ZNF718: variants seen among roughly 807,000 people sequenced by gnomAD.
The protein encoded by ZNF718 is zinc finger protein 718.
Under a neutral mutation model 2.6 loss-of-function variants are expected in ZNF718, and 3 were observed. The ratio of observed to expected loss-of-function variants is 1.16; its 90% confidence interval spans 0.53 to 3.01. ZNF718 has a LOEUF of 3.01. ZNF718 is among the 30% of genes most tolerant of loss of function. ZNF718 has a pLI of 0.03. For synonymous variants in ZNF718, 135 were observed against 77.9 expected (o/e 1.73, Z -3.86); for missense variants, 468 against 230.0 (o/e 2.03, Z -6.69).
chr4:142,139 T>C (rs1715839296), intron 3 of ZNF718: 1 of 487,356 alleles, frequency 2.1e-6, no homozygotes, highest in South Asian at 1.5e-5. Context: ...TGTGCAGCCA[T>C]TGGAACCCTT....
chr4:157,690 T>G (rs1237830833), intron 3 of ZNF718, among the ~76,000 whole-genome samples: 1 of 152,186 alleles, frequency 6.6e-6, no homozygotes, highest in Admixed American at 6.5e-5. Flanking sequence ...AGTTTGGTCA[T>G]AAAAAGTAAT....
rs1177890342 is a variant in ZNF718 at position 163,684 on chromosome 4, TTCTC to T, written c.*1564_*1567del. ...TAATAAAATACAGTAAATTTTAAAA[TTCTC>T]TTTTAAGATTGTGTGTGAACCTTAC... On this transcript the variant is annotated 3_prime_UTR_variant, in exon 4 of 4. Transcript: ENST00000510175. 3.3e-5 allele frequency: 5 copies of T among 152,172 alleles called. No individual in the cohort carries two copies. Among genetic ancestry groups the T allele is most frequent in the African/African-American group, 1.2e-4 (5 of 41,444 alleles). The allele number at this position is 152,172 out of a possible 1,614,324, so 9.4% of individuals were successfully genotyped here. A position where few individuals can be genotyped will look rare whatever the true frequency, so the allele number is the denominator to read the frequency against.
In ZNF718 at chr4:136,640, T is replaced by C. The variant is rs1267424136; in HGVS notation, c.226+5135T>C. Among the ~76,000 whole-genome samples, 7 of 152,230 alleles carry C rather than the reference T, an allele frequency of 4.6e-5. No homozygotes were observed. The East Asian group carries it at 1.3e-3, about 29-fold the overall frequency. Reference sequence around the variant, plus strand: ...TAGCCAAAGGCAAGCACCTTTCTACTTGTGTTTTCTGTGAGTTTACTACTT... The same window carrying C: ...TAGCCAAAGGCAAGCACCTTTCTACCTGTGTTTTCTGTGAGTTTACTACTT... On this transcript the variant is annotated intron_variant, in intron 3 of 3. Coordinates refer to ENST00000510175, the MANE Select transcript of ZNF718 (RefSeq NM_001039127.6).
At chr4:137,148 C>A (rs1715604148) in intron 3 of ZNF718, among the ~76,000 whole-genome samples, 1 of 152,064 alleles carries the variant, frequency 6.6e-6, no homozygotes, top group South Asian at 2.1e-4. Flanking sequence ...TGCTTTCTAC[C>A]ATAATTGGAA....
At chr4:136,211 G>C (rs1715565227) in intron 3 of ZNF718, among the ~76,000 whole-genome samples, 1 of 152,188 alleles carries the variant, frequency 6.6e-6, no homozygotes, top group African/African-American at 2.4e-5. Flanking sequence ...GTATGAATGG[G>C]TTTGGCTTCT....
intron 3 of ZNF718, among the ~76,000 whole-genome samples, chr4:157,421 T>G (rs1038409377): frequency 6.6e-6 from 1 of 152,114 alleles, no homozygotes; most frequent in East Asian, 1.9e-4. Flanking sequence ...GGCCTTGTTG[T>G]TTTTCTTATT....
At chr4:143,833 CGA>C (rs1715921766) in intron 3 of ZNF718, among the ~76,000 whole-genome samples, 1 of 152,056 alleles carries the variant, frequency 6.6e-6, no homozygotes, top group Non-Finnish European at 1.5e-5. Flanking sequence ...CAGAACAGGG[CGA>C]GAGTACTGTG....
intron 3 of ZNF718, among the ~76,000 whole-genome samples, chr4:140,189 A>C (rs964564140): frequency 1.3e-5 from 2 of 152,048 alleles, no homozygotes; most frequent in Non-Finnish European, 2.9e-5. Flanking sequence ...TTCTCATTGC[A>C]GTTCATGGCT....
rs1306666728 is a variant in ZNF718 at position 161,268 on chromosome 4, G to A, written c.583G>A (p.Gly195Arg). 1.3e-6 allele frequency: 1 copy of A among 780,924 alleles called. No homozygotes were observed. Among genetic ancestry groups the A allele is most frequent in the Non-Finnish European group, 2.4e-6 (1 of 419,124 alleles). 48.4% of individuals were successfully genotyped at this position (780,924 alleles called of 1,614,324 possible). ...RLTQHKRIHT[G>R]ENPYTCEECG... ...AACTCAACACAAAAGAATTCATACT[G>A]GAGAGAACCCCTACACATGTGAAGA... The change falls in exon 4 of 4, where the codon GGA becomes AGA. Residue 195 changes from glycine (G) to arginine (R), a missense_variant. Coordinates refer to ENST00000510175, the MANE Select transcript of ZNF718 (RefSeq NM_001039127.6).
chr4:157,725 T>A (rs1156933434), intron 3 of ZNF718, among the ~76,000 whole-genome samples: 2 of 152,270 alleles, frequency 1.3e-5, no homozygotes, highest in South Asian at 2.1e-4. Flanking sequence ...TTTAAAAAAA[T>A]TTGTTGAGGG....
chr4:133,202 A>G (rs2108780516), intron 3 of ZNF718, among the ~76,000 whole-genome samples: 1 of 95,542 alleles, frequency 1.0e-5, no homozygotes, highest in African/African-American at 5.3e-5. Flanking sequence ...AAAAATATAT[A>G]TATATATATA....
In ZNF718 at chr4:161,366, C is replaced by T; in HGVS notation, c.681C>T (p.Tyr227=). Residue 227 remains tyrosine (Y), a synonymous_variant, in exon 4 of 4, where the codon TAC becomes TAT. Transcript: ENST00000510175. ...HKRIHAREKF[Y]KCEECGKGFT... Reference sequence around the variant, plus strand: ...GAATTCATGCCAGAGAGAAATTCTACAAGTGTGAAGAATGTGGTAAAGGCT... The same window carrying T: ...GAATTCATGCCAGAGAGAAATTCTATAAGTGTGAAGAATGTGGTAAAGGCT... The T allele has an allele frequency of 1.3e-6, 1 of 778,768 alleles. No homozygotes were observed. The allele number at this position is 778,768 out of a possible 1,614,324, so 48.2% of individuals were successfully genotyped here. A position where few individuals can be genotyped will look rare whatever the true frequency, so the allele number is the denominator to read the frequency against.
At chr4:138,910 A>G (rs1435534565) in intron 3 of ZNF718, among the ~76,000 whole-genome samples, 3 of 152,112 alleles carry the variant, frequency 2.0e-5, no homozygotes, top group Non-Finnish European at 4.4e-5. Flanking sequence ...ACCCTGTCAT[A>G]TGGCTTTTTG....
At chr4:198,964 G>A (rs1553822406) in intron 3 of ZNF718, among the ~76,000 whole-genome samples, 1 of 152,222 alleles carries the variant, frequency 6.6e-6, no homozygotes, top group Admixed American at 6.5e-5. Flanking sequence ...GCACAGGCAA[G>A]TAACTTGCCC....
At chr4:184,050 T>C (rs1717517890) in intron 3 of ZNF718, among the ~76,000 whole-genome samples, 1 of 152,174 alleles carries the variant, frequency 6.6e-6, no homozygotes, top group African/African-American at 2.4e-5. Context: ...CTGTGTTGAA[T>C]AAAAGTGGTG....
chr4:145,509 G>C (rs1040241900), intron 3 of ZNF718, among the ~76,000 whole-genome samples: 1 of 152,082 alleles, frequency 6.6e-6, no homozygotes, highest in Non-Finnish European at 1.5e-5. Context: ...TTGTTACTCA[G>C]GCTGAAGTGC....
rs1459303145 is a variant in ZNF718, at chr4:128,607, T to G, written c.4-2181T>G. ...CATTTTCTGTTTGCACCACACAAAG[T>G]CAGCCTGAGTGTCTCCTCCGTGGAT... is the stretch of plus-strand genomic sequence containing the variant. On this transcript the variant is annotated intron_variant, in intron 1 of 3. Transcript: ENST00000510175. 1.2e-3 allele frequency among the ~76,000 whole-genome samples: 119 copies of G among 101,816 alleles called. 39 individuals are homozygous for G. In the South Asian group the frequency reaches 0.034, roughly 29 times the overall value. 66.8% of individuals were successfully genotyped at this position (101,816 alleles called of 152,430 possible).
Position 161,917 on chromosome 4 carries a change from A to C in ZNF718, c.1232A>C (p.His411Pro). The change falls in exon 4 of 4, where the codon CAT becomes CCT. Residue 411 changes from histidine (H) to proline (P), a missense_variant. His to Pro is a moderately conservative substitution (Grantham distance 77). Transcript: ENST00000510175. ...GKAFKVFANL[H>P]NHKKIHTGEK... ...GCCTTTAAAGTGTTTGCAAACCTGC[A>C]TAATCATAAGAAAATTCATACTGGA... 2 of 779,980 alleles carry C rather than the reference A, an allele frequency of 2.6e-6. No individual in the cohort carries two copies. The highest frequency in any genetic ancestry group is 1.3e-5 in the South Asian group (1 of 74,504). 48.3% of individuals were successfully genotyped at this position (779,980 alleles called of 1,614,324 possible).
Position 132,296 on chromosome 4 carries a change from C to T in ZNF718, c.226+791C>T, listed in dbSNP as rs1715369610. Among the ~76,000 whole-genome samples, 2 of 103,332 alleles carry T rather than the reference C, an allele frequency of 1.9e-5. 1 individual carries two copies. The highest frequency in any genetic ancestry group is 4.3e-5 in the Non-Finnish European group (2 of 46,462). 67.8% of individuals were successfully genotyped at this position (103,332 alleles called of 152,430 possible). ...AATTTCTGAAAAGGCTGCATTTTTT[C>T]TCTTAGGGTCATCTTCTCTCCCATG... On this transcript the variant is annotated intron_variant, in intron 3 of 3. Transcript: ENST00000510175.
Sources: gnomAD v4.1 joint callset for allele counts (sites outside exome capture counted in the v4.1 genomes callset) on GRCh38, gnomAD v4.1.1 for gene constraint, MANE v1.5 for transcripts, NCBI Gene and HGNC (gene_info 2026-07-23, HGNC 2026-07-21) for gene names.